CCDC39: variants seen among roughly 807,000 people sequenced by gnomAD.
CCDC39 encodes the protein coiled-coil domain-containing protein 39.
A neutral mutation model predicts 121.0 loss-of-function variants in CCDC39; 113 were observed. The ratio of observed to expected loss-of-function variants is 0.93; its 90% CI spans 0.80 to 1.09. The LOEUF (loss-of-function observed/expected upper bound fraction) is 1.09. CCDC39 is among the 50% of genes least tolerant of loss of function. The pLI, the probability that CCDC39 is intolerant of heterozygous loss-of-function variation, is 0.00. For missense variants in CCDC39, 1,063 were observed against 1,074.7 expected, an observed-to-expected ratio of 0.99 and a Z score of 0.15; for synonymous variants, 349 against 352.2, an observed-to-expected ratio of 0.99 and a Z score of 0.10.
chr3:180,618,223 T>C (rs1050963984), intron 16 of CCDC39, among the ~76,000 whole-genome samples: 1 of 152,170 alleles, frequency 6.6e-6, no homozygotes, highest in Non-Finnish European at 1.5e-5. Flanking sequence ...CCCATTGTTA[T>C]CCAATGCATG....
intron 13 of CCDC39, among the ~76,000 whole-genome samples, chr3:180,636,741 G>A (rs928459348): frequency 6.6e-6 from 1 of 151,032 alleles, no homozygotes; most frequent in African/African-American, 2.4e-5. Context: ...CAGACATACA[G>A]ACCAATGCAA....
chr3:180,621,799 A>G (rs1240020749), intron 14 of CCDC39, among the ~76,000 whole-genome samples: 2 of 152,076 alleles, frequency 1.3e-5, no homozygotes, highest in Non-Finnish European at 2.9e-5. Context: ...GTCTCATTTT[A>G]TACCAGTACC....
intron 12 of CCDC39, 104 bp from the exon 13 acceptor site, chr3:180,642,305 C>A: frequency 1.7e-6 from 1 of 575,680 alleles, no homozygotes; most frequent in South Asian, 3.3e-5. Flanking sequence ...TACCTTTTTC[C>A]AATTTAACCA....
In CCDC39 at chr3:180,616,562, T is replaced by C. The variant is rs587781264; in HGVS notation, c.2540A>G (p.Glu847Gly). 1.3e-6 allele frequency: 2 copies of C among 1,598,384 alleles called. No homozygotes were observed. Among genetic ancestry groups the C allele is most frequent in the Non-Finnish European group, 1.7e-6 (2 of 1,172,882 alleles). Residue 847 changes from glutamate (E) to glycine (G), a missense_variant, in exon 18 of 20, where the codon GAA becomes GGA. By Grantham distance (98) the Glu-to-Gly change is moderately conservative. Transcript: ENST00000476379. ...GATAATACGGATCTCAGTATTTTCT[T>C]CTATGATATCAACTAACATTTCATC... ...VIDEMLVDII[E>G]ENTEIRIILQ... is the part of the protein sequence containing the mutation.
chr3:180,633,311 A>G (rs1029144373), intron 13 of CCDC39, among the ~76,000 whole-genome samples: 1 of 152,240 alleles, frequency 6.6e-6, no homozygotes, highest in Admixed American at 6.5e-5. Context: ...AGCAAATGGC[A>G]AAAATGAACA....
chr3:180,665,949 T>C (rs1033919097), intron 1 of CCDC39, among the ~76,000 whole-genome samples: 1 of 152,202 alleles, frequency 6.6e-6, no homozygotes, highest in East Asian at 1.9e-4. Context: ...GGGATTATAA[T>C]TTTTTAATTT....
chr3:180,653,771 C>G (rs907434511), intron 7 of CCDC39, among the ~76,000 whole-genome samples: 3 of 152,090 alleles, frequency 2.0e-5, no homozygotes, highest in African/African-American at 7.2e-5. Context: ...GGATCCCTCG[C>G]AGATACCAAA....
At chr3:180,644,375 C>T in intron 11 of CCDC39, 118 bp from the exon 12 acceptor site, 2 of 591,730 alleles carry the variant, frequency 3.4e-6, no homozygotes, top group South Asian at 2.9e-5. Context: ...TTAAAATAAT[C>T]CTATGTTTTA....
chr3:180,631,711 A>C, intron 13 of CCDC39, 119 bp from the exon 14 acceptor site: 1 of 803,678 alleles, frequency 1.2e-6, no homozygotes, highest in Non-Finnish European at 2.0e-6. Context: ...AAACAGGTTA[A>C]ATTTGTTCTC....
At chr3:180,659,346 C>T (rs1029932550) in intron 6 of CCDC39, 106 bp downstream of exon 6, 38 of 1,409,362 alleles carry the variant, frequency 2.7e-5, no homozygotes, top group African/African-American at 4.3e-5. Flanking sequence ...AATATTGCTA[C>T]AAAAGTGACT....
At chr3:180,650,543 G>T (rs1209210303) in intron 9 of CCDC39, among the ~76,000 whole-genome samples, 1 of 152,114 alleles carries the variant, frequency 6.6e-6, no homozygotes, top group South Asian at 2.1e-4. Flanking sequence ...TGGAATCCAG[G>T]GCACAGTGGG....
intron 1 of CCDC39, among the ~76,000 whole-genome samples, chr3:180,670,855 C>T (rs546405429): frequency 1.3e-3 from 201 of 152,164 alleles, no homozygotes; most frequent in Middle Eastern, 3.4e-3. Flanking sequence ...AGCAGCTTTC[C>T]ATAAGACATG....
At chr3:180,652,060 A>G in intron 8 of CCDC39, 103 bp downstream of exon 8, 1 of 723,000 alleles carries the variant, frequency 1.4e-6, no homozygotes. Context: ...GTAGTAGCTA[A>G]AATATTGCAA....
intron 11 of CCDC39, among the ~76,000 whole-genome samples, 186 bp downstream of exon 11, chr3:180,646,893 T>C (rs769852183): frequency 2.0e-5 from 3 of 152,036 alleles, no homozygotes; most frequent in Non-Finnish European, 4.4e-5. Context: ...ATTTAGCATA[T>C]ACTAAATGCA....
Position 180,659,680 on chromosome 3 carries a change from T to A in CCDC39, c.606A>T (p.Ala202=), listed in dbSNP as rs771333687. ...TAAAAATCTTCCTTAAACTAACCTG[T>A]GCGCTTATAGTCTCTGTAAGTTCGT... ...LDNELTETIS[A]QLELDKAAQD... is the part of the protein sequence containing the mutation. The change falls in exon 5 of 20, where the codon GCA becomes GCT. Residue 202 remains alanine, a synonymous_variant. Coordinates refer to ENST00000476379, the MANE Select transcript of CCDC39 (RefSeq NM_181426.2). The A allele has an allele frequency of 6.2e-6, 10 of 1,609,012 alleles. No homozygotes were observed. Among genetic ancestry groups the A allele is most frequent in the Non-Finnish European group, 8.5e-6 (10 of 1,178,392 alleles).
At position 180,679,428 on chromosome 3, in the gene CCDC39, T is replaced by C; in HGVS notation, c.-48A>G. 6.4e-7 allele frequency: 1 copy of C among 1,557,082 alleles called. No homozygotes were observed. The highest frequency in any genetic ancestry group is 8.9e-7 in the Non-Finnish European group (1 of 1,128,194). Reference sequence around the variant, plus strand: ...TACAGAGCAAAGATCCGCCTTCTTGTACAGCGGGTGAGCAGCACCCGCGTC... The same window carrying C: ...TACAGAGCAAAGATCCGCCTTCTTGCACAGCGGGTGAGCAGCACCCGCGTC... On this transcript the variant is annotated 5_prime_UTR_variant, in exon 1 of 20. Transcript: ENST00000476379. This position sits in a 1 kb window ranked among gnomAD's most constrained non-coding sequence, Gnocchi z 4.0.
chr3:180,676,904 C>T (rs1712227096), intron 1 of CCDC39, among the ~76,000 whole-genome samples: 1 of 151,458 alleles, frequency 6.6e-6, no homozygotes, highest in Admixed American at 6.6e-5. Flanking sequence ...AAAACCAAAA[C>T]CAAACACTGC....
Position 180,662,022 on chromosome 3 carries a change from A to T in CCDC39, c.211-15T>A. The stretch of plus-strand genomic sequence containing the variant: ...TTGCAAAGAGACTACAGAATAACAC[A>T]CAAGATAAAAAGGCTTTTAAAATTT... On this transcript the variant is annotated splice_polypyrimidine_tract_variant and intron_variant, in intron 2 of 19. Coordinates refer to ENST00000476379, the MANE Select transcript of CCDC39 (RefSeq NM_181426.2). 1.4e-5 allele frequency: 21 copies of T among 1,530,712 alleles called. No homozygotes were observed. Among genetic ancestry groups the T allele is most frequent in the Non-Finnish European group, 1.8e-5 (20 of 1,141,534 alleles). The allele number at this position is 1,530,712 out of a possible 1,614,324, so 94.8% of individuals were successfully genotyped here. A position where few individuals can be genotyped will look rare whatever the true frequency, so the allele number is the denominator to read the frequency against.
chr3:180,655,081 TTAAA>T, intron 6 of CCDC39, 128 bp from the exon 7 acceptor site: 1 of 524,918 alleles, frequency 1.9e-6, no homozygotes, highest in African/African-American at 2.0e-5. Flanking sequence ...GAAGACATTT[TTAAA>T]TACTTTTATA....
Sources: allele counts gnomAD v4.1 joint callset (sites outside exome capture counted in the v4.1 genomes callset), GRCh38; gene constraint gnomAD v4.1.1; non-coding constraint Gnocchi (gnomAD v3.1); transcripts MANE v1.5; gene names NCBI Gene and HGNC (gene_info 2026-07-23, HGNC 2026-07-21).